The following GTPBP10 variants were observed in gnomAD, a reference collection of about 807,000 sequenced individuals.
The protein encoded by GTPBP10 is GTP binding protein 10.
Under a neutral mutation model 44.8 loss-of-function variants are expected in GTPBP10, and 38 were observed. The observed-to-expected ratio is 0.85, with a 90% CI of 0.65 to 1.11. The LOEUF (loss-of-function observed/expected upper bound fraction) is 1.11, where lower values mean the gene tolerates loss of function less well. Among genes scored for constraint, GTPBP10 ranks in the 50% most tolerant of loss-of-function variants. The pLI, the probability that GTPBP10 is intolerant of heterozygous loss-of-function variation, is 0.00. For synonymous variants in GTPBP10, 152 were observed against 150.6 expected (o/e 1.01, Z -0.07); for missense variants, 462 against 453.7 (o/e 1.02, Z -0.17).
Position 90,346,754 on chromosome 7 carries a change from A to C in GTPBP10, c.13A>C (p.Ser5Arg). 1 of 1,614,190 alleles carries C rather than the reference A, an allele frequency of 6.2e-7. No homozygotes were observed. The highest frequency in any genetic ancestry group is 8.5e-7 in the Non-Finnish European group (1 of 1,180,022). Residue 5 changes from serine to arginine, a missense_variant, in exon 1 of 10, where the codon AGT becomes CGT. Transcript: ENST00000222511. MVHC[S>R]CVLFRKYGNF... ...GCCTGTTGCAGCCATGGTGCATTGC[A>C]GTTGCGTGTTGTTCAGAAAGGTCCG...
intron 5 of GTPBP10, among the ~76,000 whole-genome samples, chr7:90,372,655 CA>C (rs920689674): frequency 6.6e-6 from 1 of 151,934 alleles, no homozygotes; most frequent in Non-Finnish European, 1.5e-5. Context: ...TACCCCTCAG[CA>C]AAGTTGCTTA....
intron 2 of GTPBP10, among the ~76,000 whole-genome samples, 195 bp from the exon 3 acceptor site, chr7:90,354,263 G>T (rs1795849972): frequency 6.6e-6 from 1 of 152,124 alleles, no homozygotes; most frequent in Non-Finnish European, 1.5e-5. Flanking sequence ...ATTTTAGTGG[G>T]ATATAATAGT....
At chr7:90,361,922 G>T (rs1369147466) in intron 4 of GTPBP10, among the ~76,000 whole-genome samples, 1 of 152,174 alleles carries the variant, frequency 6.6e-6, no homozygotes, top group Non-Finnish European at 1.5e-5. Context: ...TTGCATAGAG[G>T]TGTTTATAGT....
chr7:90,390,292 A>G lies in GTPBP10; in HGVS notation c.*5138A>G. On this transcript the variant is annotated 3_prime_UTR_variant, in exon 10 of 10. Transcript: ENST00000222511. ...ATGTCTCTCTGGATAGCTCAGAAGT[A>G]TCAGTTGTGGTTATTGCCTCACTTG... 1 of 152,216 alleles carries G rather than the reference A, an allele frequency of 6.6e-6. No individual in the cohort carries two copies. The highest frequency in any genetic ancestry group is 1.5e-5 in the Non-Finnish European group (1 of 68,042). The allele number at this position is 152,216 out of a possible 1,614,324, so 9.4% of individuals were successfully genotyped here. A position where few individuals can be genotyped will look rare whatever the true frequency, so the allele number is the denominator to read the frequency against.
At chr7:90,371,101 G>C (rs991442325) in intron 4 of GTPBP10, 3 of 413,064 alleles carry the variant, frequency 7.3e-6, no homozygotes, top group Non-Finnish European at 6.5e-6. Context: ...AAAGTTTAAA[G>C]ATAGTCATTG....
intron 9 of GTPBP10, among the ~76,000 whole-genome samples, chr7:90,383,446 G>A (rs1041445830): frequency 6.6e-5 from 10 of 152,148 alleles, no homozygotes; most frequent in East Asian, 1.9e-4. Flanking sequence ...CTCTTCATTC[G>A]TCTAGTACTG....
chr7:90,353,245 A>T, intron 2 of GTPBP10: 1 of 351,630 alleles, frequency 2.8e-6, no homozygotes, highest in East Asian at 4.7e-5. Context: ...TTCTTTTTGC[A>T]CTTCCCCTGT....
intron 8 of GTPBP10, among the ~76,000 whole-genome samples, 165 bp from the exon 9 acceptor site, chr7:90,382,791 C>T (rs1796455252): frequency 6.6e-6 from 1 of 152,166 alleles, no homozygotes; most frequent in African/African-American, 2.4e-5. Flanking sequence ...CATGACTTAA[C>T]CAGAGTCATT....
At chr7:90,384,849 C>A (rs776527786) in intron 9 of GTPBP10, 43 bp from the exon 10 acceptor site, 3 of 1,544,596 alleles carry the variant, frequency 1.9e-6, no homozygotes, top group Non-Finnish European at 2.6e-6. Flanking sequence ...AACTAACTTT[C>A]GAAAACAATG....
rs1021264768 is a variant in GTPBP10, at chr7:90,386,005, A to C, written c.*851A>C. On this transcript the variant is annotated 3_prime_UTR_variant, in exon 10 of 10. Transcript: ENST00000222511. ...AACGCGGGAGGTGGAGGATACAATG[A>C]ACCCGAGGTCGCGCCACTGCACTTC... 1 of 152,080 alleles carries C rather than the reference A, an allele frequency of 6.6e-6. No homozygotes were observed. Among genetic ancestry groups the C allele is most frequent in the Admixed American group, 6.6e-5 (1 of 15,258 alleles). 9.4% of individuals were successfully genotyped at this position (152,080 alleles called of 1,614,324 possible). A position where few individuals can be genotyped will look rare whatever the true frequency, so the allele number is the denominator to read the frequency against.
rs1463885164 is a variant in GTPBP10, at chr7:90,353,309, C to G, written c.227+300C>G. 3 of 214,166 alleles carry G rather than the reference C, an allele frequency of 1.4e-5. No homozygotes were observed. In the Admixed American group the frequency reaches 1.6e-4, roughly 11 times the overall value. 13.3% of individuals were successfully genotyped at this position (214,166 alleles called of 1,614,324 possible). A position where few individuals can be genotyped will look rare whatever the true frequency, so the allele number is the denominator to read the frequency against. ...TGTTTTCTTCTAAAATTATCTTTGA[C>G]AACCTTTTAGAAAACTTTCAGTCTT... is the stretch of plus-strand genomic sequence containing the variant. On this transcript the variant is annotated intron_variant, in intron 2 of 9. Coordinates refer to ENST00000222511, the MANE Select transcript of GTPBP10 (RefSeq NM_033107.4).
chr7:90,364,467 A>G (rs1363816155), intron 4 of GTPBP10, among the ~76,000 whole-genome samples: 1 of 152,142 alleles, frequency 6.6e-6, no homozygotes, highest in Non-Finnish European at 1.5e-5. Flanking sequence ...TGAACAGCAA[A>G]TGTTGCTGCC....
chr7:90,379,217 C>T (rs924300222), intron 8 of GTPBP10, among the ~76,000 whole-genome samples: 1 of 152,156 alleles, frequency 6.6e-6, no homozygotes, highest in East Asian at 1.9e-4. Flanking sequence ...GAAATCCATC[C>T]TCTTGTCTTT....
In GTPBP10 at chr7:90,376,214, G is replaced by A. The variant is rs576169842; in HGVS notation, c.592-1293G>A. On this transcript the variant is annotated intron_variant, in intron 6 of 9. Transcript: ENST00000222511. Reference sequence around the variant, plus strand: ...TGCCCCACTCCACTCCAGGCTGGGCGACAGAGCGAGACTCTCTCAAAAAAA... The same window carrying A: ...TGCCCCACTCCACTCCAGGCTGGGCAACAGAGCGAGACTCTCTCAAAAAAA... 9.9e-5 allele frequency among the ~76,000 whole-genome samples: 15 copies of A among 152,100 alleles called. No individual in the cohort carries two copies. In the East Asian group the frequency reaches 2.1e-3, roughly 22 times the overall value.
intron 8 of GTPBP10, among the ~76,000 whole-genome samples, chr7:90,382,689 T>G (rs190588744): frequency 6.6e-6 from 1 of 152,218 alleles, no homozygotes; most frequent in Non-Finnish European, 1.5e-5. Context: ...CTTCTGAATT[T>G]TATCTGTGTG....
At chr7:90,374,124 C>T (rs1286361892) in intron 5 of GTPBP10, among the ~76,000 whole-genome samples, 178 bp from the exon 6 acceptor site, 1 of 152,184 alleles carries the variant, frequency 6.6e-6, no homozygotes, top group Non-Finnish European at 1.5e-5. Flanking sequence ...AGACATGAGC[C>T]ACAACATTTG....
At chr7:90,348,430 A>G (rs1360540380) in intron 1 of GTPBP10, among the ~76,000 whole-genome samples, 3 of 152,222 alleles carry the variant, frequency 2.0e-5, no homozygotes, top group Non-Finnish European at 2.9e-5. Flanking sequence ...TAAAATATAT[A>G]TATAGTATAT....
intron 9 of GTPBP10, 84 bp downstream of exon 9, chr7:90,383,163 C>A: frequency 1.0e-6 from 1 of 996,698 alleles, no homozygotes; most frequent in East Asian, 2.9e-5. Context: ...GGAAAACTGA[C>A]AGTTTCTGCT....
intron 1 of GTPBP10, among the ~76,000 whole-genome samples, chr7:90,349,923 T>C (rs577695124): frequency 5.9e-5 from 9 of 152,152 alleles, no homozygotes; most frequent in Middle Eastern, 3.4e-3. Context: ...ATTTCTTCTT[T>C]TTTTTTTTTA....
Sources: gnomAD v4.1 joint callset for allele counts (sites outside exome capture counted in the v4.1 genomes callset) on GRCh38, gnomAD v4.1.1 for gene constraint, MANE v1.5 for transcripts, NCBI Gene and HGNC (gene_info 2026-07-23, HGNC 2026-07-21) for gene names.